KLHL7: variants seen among roughly 807,000 people sequenced by gnomAD.
The protein encoded by KLHL7 is kelch like family member 7, also known as kelch-like protein 7.
Under a neutral mutation model 67.4 loss-of-function variants are expected in KLHL7, and 44 were observed. The ratio of observed to expected loss-of-function variants is 0.65; its 90% CI spans 0.51 to 0.84. KLHL7 has a LOEUF of 0.84. Ranked by LOEUF, KLHL7 falls within the 40% of genes least tolerant of loss-of-function variation. The pLI is 0.00. For missense variants in KLHL7, 362 were observed against 718.1 expected (o/e 0.50, Z 5.67); for synonymous variants, 252 against 243.3 (o/e 1.04, Z -0.33).
intron 6 of KLHL7, 129 bp downstream of exon 6, chr7:23,144,154 T>C: frequency 1.2e-6 from 1 of 807,662 alleles, no homozygotes; most frequent in Non-Finnish European, 2.1e-6. Context: ...TCTAGATAGT[T>C]AATCCCTTGG....
At chr7:23,156,816 C>A (rs180745542) in intron 7 of KLHL7, among the ~76,000 whole-genome samples, 2 of 152,148 alleles carry the variant, frequency 1.3e-5, no homozygotes, top group Admixed American at 6.5e-5. Flanking sequence ...CAGTGTCTGG[C>A]ACAGGGTGAG....
rs1186755064 is a variant in KLHL7 at position 23,167,702 on chromosome 7, G to T, written c.1178-134G>T. The T allele has an allele frequency of 1.8e-5, 13 of 731,490 alleles. No homozygotes were observed. The East Asian group carries it at 3.5e-4, about 19-fold the overall frequency. The allele number at this position is 731,490 out of a possible 1,614,324, so 45.3% of individuals were successfully genotyped here. A position where few individuals can be genotyped will look rare whatever the true frequency, so the allele number is the denominator to read the frequency against. On this transcript the variant is annotated intron_variant, in intron 8 of 10. Transcript: ENST00000339077. ...TCTTAAACTATTCCTACACTTTGTT[G>T]TTGTTGATTGAGTATGAAAATGGCC...
intron 7 of KLHL7, among the ~76,000 whole-genome samples, chr7:23,155,359 G>C (rs1193940046): frequency 2.0e-5 from 3 of 152,060 alleles, no homozygotes; most frequent in African/African-American, 7.2e-5. Flanking sequence ...AAACTGAAAT[G>C]ATAGTTTAAA....
chr7:23,170,656 G>C (rs1785130708), intron 9 of KLHL7, among the ~76,000 whole-genome samples: 1 of 152,100 alleles, frequency 6.6e-6, no homozygotes, highest in Non-Finnish European at 1.5e-5. Flanking sequence ...AGAAACAAAA[G>C]GAAAGATAAA....
rs1400608983 is a variant in KLHL7, at chr7:23,114,381, A to G, written c.120+8235A>G. ...GAGAAGCACTGCATATGGGAGATTA[A>G]CAAGTACTTGCCCTTCAGTCAAAAG... On this transcript the variant is annotated intron_variant, in intron 1 of 10. Transcript: ENST00000339077. Among the ~76,000 whole-genome samples, 6 of 152,220 alleles carry G rather than the reference A, an allele frequency of 3.9e-5. No individual in the cohort carries two copies. The South Asian group carries it at 1.2e-3, about 32-fold the overall frequency.
At chr7:23,129,937 T>C (rs1422155640) in intron 4 of KLHL7, 1 of 152,676 alleles carries the variant, frequency 6.5e-6, no homozygotes, top group Non-Finnish European at 1.5e-5. Context: ...TAAATAAGAA[T>C]GTAGGCATGT....
rs551384068 is a variant in KLHL7, at chr7:23,111,328, A to G, written c.120+5182A>G. On this transcript the variant is annotated intron_variant, in intron 1 of 10. Coordinates refer to ENST00000339077, the MANE Select transcript of KLHL7 (RefSeq NM_001031710.3). ...TTATAGAATGGCAAGTTCGAGACTG[A>G]TTAAAGGTCAGTGTAATTGGAGCAC... Among the ~76,000 whole-genome samples the G allele has an allele frequency of 7.0e-4, 106 of 152,316 alleles. 1 individual carries two copies. Among genetic ancestry groups the G allele is most frequent in the African/African-American group, 2.4e-3 (101 of 41,574 alleles).
chr7:23,134,835 C>G (rs925738244), intron 4 of KLHL7, among the ~76,000 whole-genome samples: 19 of 151,870 alleles, frequency 1.3e-4, no homozygotes, highest in Non-Finnish European at 2.1e-4. Flanking sequence ...TTTGGATCTT[C>G]TCTCTCATTT....
intron 1 of KLHL7, among the ~76,000 whole-genome samples, chr7:23,111,846 AG>A (rs1782886574): frequency 6.6e-6 from 1 of 150,494 alleles, no homozygotes; most frequent in African/African-American, 2.4e-5. Flanking sequence ...AAAAAAAAAA[AG>A]ACTTACTGCT....
rs377306687 is a variant in KLHL7, at chr7:23,138,191, C to T, written c.443-2578C>T. Among the ~76,000 whole-genome samples the T allele has an allele frequency of 1.0e-4, 15 of 147,628 alleles. No homozygotes were observed. In the East Asian group the frequency reaches 1.9e-3, roughly 19 times the overall value. ...ACTCCGTCTCAAGAAAAAAAAGGCA[C>T]GGTGGTTCACACCTGTAATCCCAGC... On this transcript the variant is annotated intron_variant, in intron 4 of 10. Transcript: ENST00000339077.
intron 4 of KLHL7, among the ~76,000 whole-genome samples, chr7:23,135,362 C>A (rs2128463045): frequency 6.6e-6 from 1 of 152,102 alleles, no homozygotes; most frequent in African/African-American, 2.4e-5. Flanking sequence ...TATGGTCTAT[C>A]CTTGAGAATG....
chr7:23,110,869 T>G (rs1782841340), intron 1 of KLHL7, among the ~76,000 whole-genome samples: 2 of 149,338 alleles, frequency 1.3e-5, no homozygotes, highest in Admixed American at 6.8e-5. Flanking sequence ...TGCGGTTCAC[T>G]ACATTTTCTT....
chr7:23,152,564 T>C (rs1324051103), intron 7 of KLHL7, among the ~76,000 whole-genome samples: 1 of 152,292 alleles, frequency 6.6e-6, no homozygotes, highest in South Asian at 2.1e-4. Context: ...TTTGTTTTTT[T>C]CCCCTTAATA....
At chr7:23,169,329 G>A (rs1432937321) in intron 9 of KLHL7, among the ~76,000 whole-genome samples, 3 of 152,090 alleles carry the variant, frequency 2.0e-5, no homozygotes, top group African/African-American at 7.2e-5. Context: ...ATTTATCTAT[G>A]ATTCCCACAT....
intron 4 of KLHL7, chr7:23,129,393 A>T (rs1375451098): frequency 1.3e-5 from 5 of 387,900 alleles, no homozygotes; most frequent in Non-Finnish European, 2.6e-5. Flanking sequence ...TGATGTTACG[A>T]CTCGGCTGGC....
At chr7:23,136,933 C>G (rs1416695913) in intron 4 of KLHL7, among the ~76,000 whole-genome samples, 2 of 151,954 alleles carry the variant, frequency 1.3e-5, no homozygotes, top group African/African-American at 4.8e-5. Context: ...ACTTATGTAT[C>G]CTACTCAGAG....
chr7:23,139,298 G>T (rs990418048), intron 4 of KLHL7, among the ~76,000 whole-genome samples: 1 of 152,048 alleles, frequency 6.6e-6, no homozygotes, highest in African/African-American at 2.4e-5. Context: ...ATGACACAAT[G>T]GTTCAATCAT....
chr7:23,163,297 A>C lies in KLHL7; in HGVS notation c.937-2401A>C, dbSNP rs1784904112. Among the ~76,000 whole-genome samples the C allele has an allele frequency of 4.6e-5, 7 of 151,998 alleles. No individual in the cohort carries two copies. The South Asian group carries it at 1.5e-3, about 32-fold the overall frequency. ...GCAACTCTCCTGCCTCAGCCTCCCG[A>C]GTAGCAGGGATTACACGTGCCTGCC... On this transcript the variant is annotated intron_variant, in intron 7 of 10. Coordinates refer to ENST00000339077, the MANE Select transcript of KLHL7 (RefSeq NM_001031710.3).
At chr7:23,137,698 C>T (rs1784028761) in intron 4 of KLHL7, among the ~76,000 whole-genome samples, 1 of 150,016 alleles carries the variant, frequency 6.7e-6, no homozygotes, top group African/African-American at 2.4e-5. Flanking sequence ...AGGCTGGTCT[C>T]GAACTCCTGA....
Sources: allele counts gnomAD v4.1 joint callset (sites outside exome capture counted in the v4.1 genomes callset), GRCh38; gene constraint gnomAD v4.1.1; transcripts MANE v1.5; gene names NCBI Gene and HGNC (gene_info 2026-07-23, HGNC 2026-07-21).